OSBP2: variants seen among roughly 807,000 people sequenced by gnomAD.
OSBP2 encodes the protein oxysterol-binding protein 2.
OSBP2 carries 66 observed loss-of-function variants against 96.0 expected under a neutral mutation model. That is an observed-to-expected ratio of 0.69 (90% CI 0.56 to 0.84). The LOEUF is 0.84. Ranked by LOEUF, OSBP2 falls within the 40% of genes least tolerant of loss-of-function variation. The probability of loss-of-function intolerance (pLI) is 0.00; values close to 1 mark genes in which losing one functional copy is unlikely to be tolerated. For missense variants in OSBP2, 1,038 were observed against 1,222.7 expected, an observed-to-expected ratio of 0.85 and a Z score of 2.25; for synonymous variants, 525 against 520.9, an observed-to-expected ratio of 1.01 and a Z score of -0.11.
chr22:30,780,447 C>T (rs1228762505), intron 2 of OSBP2, among the ~76,000 whole-genome samples: 1 of 152,218 alleles, frequency 6.6e-6, no homozygotes, highest in Non-Finnish European at 1.5e-5. Context: ...GCATTTTCCA[C>T]ATTGTTGTAA....
chr22:30,836,774 A>G (rs897928792), intron 2 of OSBP2, among the ~76,000 whole-genome samples: 3 of 152,124 alleles, frequency 2.0e-5, no homozygotes, highest in African/African-American at 7.2e-5. Context: ...GAGACTCCAG[A>G]AGCCCCAAGA....
At chr22:30,820,388 C>CT (rs2038248414) in intron 2 of OSBP2, among the ~76,000 whole-genome samples, 1 of 120,746 alleles carries the variant, frequency 8.3e-6, no homozygotes, top group Non-Finnish European at 1.8e-5. Context: ...GACCCCATCT[C>CT]TAAAAAAAAA....
intron 2 of OSBP2, among the ~76,000 whole-genome samples, chr22:30,826,114 G>A (rs115045580): frequency 5.9e-5 from 9 of 152,254 alleles, no homozygotes; most frequent in East Asian, 1.9e-4. Context: ...ATGTGTTTAC[G>A]TCTTTAAAGG....
chr22:30,704,295 C>T (rs1015912284), intron 1 of OSBP2, among the ~76,000 whole-genome samples: 16 of 152,134 alleles, frequency 1.1e-4, no homozygotes, highest in Non-Finnish European at 1.5e-4. Flanking sequence ...AGAGTGAAGT[C>T]TGGGGAAAAA....
In OSBP2 at chr22:30,888,322, C is replaced by T. The variant is rs2147151710; in HGVS notation, c.1400C>T (p.Thr467Ile). ...EDSTSFITVI[T>I]EAKEDSRKAE... is the part of the protein sequence containing the mutation. ...TCCACATCCTTCATCACCGTGATCA[C>T]CGAGGCCAAGGAAGACAGGTAAGGT... Residue 467 changes from threonine to isoleucine, a missense_variant, in exon 5 of 14, where the codon ACC becomes ATC. This residue lies in a region of OSBP2 where 737 missense variants were observed against 913.3 expected (regional missense o/e 0.81). Coordinates refer to ENST00000332585, the MANE Select transcript of OSBP2 (RefSeq NM_030758.4). The T allele has an allele frequency of 6.2e-7, 1 of 1,612,080 alleles. No individual in the cohort carries two copies.
chr22:30,896,573 A>G, intron 12 of OSBP2, among the ~76,000 whole-genome samples: 1 of 152,184 alleles, frequency 6.6e-6, no homozygotes, highest in East Asian at 1.9e-4. Flanking sequence ...AATAGGCCCA[A>G]GCATTATCAA....
chr22:30,756,872 T>C (rs1050696111), intron 2 of OSBP2, among the ~76,000 whole-genome samples: 3 of 152,018 alleles, frequency 2.0e-5, no homozygotes, highest in Non-Finnish European at 1.5e-5. Context: ...CAGGCAGGGG[T>C]GATAGGGCCC....
chr22:30,897,356 A>C (rs1208151715), intron 12 of OSBP2, among the ~76,000 whole-genome samples: 1 of 152,212 alleles, frequency 6.6e-6, no homozygotes, highest in Non-Finnish European at 1.5e-5. Flanking sequence ...TGGAGATCCA[A>C]ACAATATATG....
chr22:30,892,012 AG>A (rs2039959469), intron 8 of OSBP2, among the ~76,000 whole-genome samples: 1 of 152,188 alleles, frequency 6.6e-6, no homozygotes, highest in Non-Finnish European at 1.5e-5. Flanking sequence ...AAGAAGCAGC[AG>A]CTGGAGGGCG....
chr22:30,879,605 G>A (rs528781138), intron 3 of OSBP2, among the ~76,000 whole-genome samples: 1 of 152,328 alleles, frequency 6.6e-6, no homozygotes, highest in East Asian at 1.9e-4. Flanking sequence ...TGACAGCTTG[G>A]CTGGGCCAAA....
At chr22:30,726,877 G>A (rs1286513870) in intron 1 of OSBP2, among the ~76,000 whole-genome samples, 2 of 152,194 alleles carry the variant, frequency 1.3e-5, no homozygotes, top group Admixed American at 6.5e-5. Flanking sequence ...TGAGCACTGC[G>A]TAAGTAGAGG....
At position 30,757,322 on chromosome 22, in the gene OSBP2, A is replaced by G. The variant is rs533937971; in HGVS notation, c.853+15953A>G. Among the ~76,000 whole-genome samples, 3 of 152,314 alleles carry G rather than the reference A, an allele frequency of 2.0e-5. No homozygotes were observed. The South Asian group carries it at 6.2e-4, about 32-fold the overall frequency. On this transcript the variant is annotated intron_variant, in intron 2 of 13. Transcript: ENST00000332585. ...TGCCATATGAATCCCAAATGATTCC[A>G]GTGGAGACATTTCTCCCCTTTGAAG...
In OSBP2 at chr22:30,890,743, CCCCTGTCCA is replaced by C; in HGVS notation, c.1640_1648del (p.Pro547_Met550delinsLeu). ...CCACCCACAGGTGAACTTCAATGAG[CCCCTGTCCA>C]TGCTCCAGCGGCTGACAGAGGACCT... is the stretch of plus-strand genomic sequence containing the variant. On this transcript the variant is annotated inframe_deletion, in exon 8 of 14. Transcript: ENST00000332585. This position sits in a 1 kb window ranked among gnomAD's most constrained non-coding sequence, Gnocchi z 4.4. The C allele has an allele frequency of 6.2e-7, 1 of 1,612,718 alleles. No individual in the cohort carries two copies. The highest frequency in any genetic ancestry group is 8.5e-7 in the Non-Finnish European group (1 of 1,179,986).
intron 3 of OSBP2, among the ~76,000 whole-genome samples, chr22:30,878,473 G>A (rs901404601): frequency 2.6e-5 from 4 of 152,202 alleles, no homozygotes; most frequent in East Asian, 1.9e-4. Flanking sequence ...GGCCTAAGCC[G>A]CTAGAGAATG....
In OSBP2 at chr22:30,892,077, G is replaced by A. The variant is rs141243507; in HGVS notation, c.1870-1045G>A. ...ACCTGCCAGAGGAACCCTCCACTGC[G>A]ATGGAGGGAGTGGCCCACAGGGAAG... On this transcript the variant is annotated intron_variant, in intron 8 of 13. Coordinates refer to ENST00000332585, the MANE Select transcript of OSBP2 (RefSeq NM_030758.4). Among the ~76,000 whole-genome samples the A allele has an allele frequency of 4.7e-3, 715 of 152,278 alleles. 5 individuals carry two copies. The highest frequency in any genetic ancestry group is 0.014 in the African/African-American group (602 of 41,564).
intron 2 of OSBP2, among the ~76,000 whole-genome samples, chr22:30,839,054 T>C (rs1306697255): frequency 7.3e-6 from 1 of 136,450 alleles, no homozygotes; most frequent in Non-Finnish European, 1.5e-5. Context: ...GGTGTCCATG[T>C]GTTCTCATTG....
rs117499283 is a variant in OSBP2, at chr22:30,888,970, G to A, written c.1419-207G>A. Among the ~76,000 whole-genome samples the A allele has an allele frequency of 6.2e-3, 943 of 152,232 alleles. 4 individuals are homozygous for A. The highest frequency in any genetic ancestry group is 9.2e-3 in the Non-Finnish European group (625 of 68,010). Reference sequence around the variant, plus strand: ...CATAGAAAAGGTATATTAAAAATACGATATGATAGTCTTATGGGACCACTG... The same window carrying A: ...CATAGAAAAGGTATATTAAAAATACAATATGATAGTCTTATGGGACCACTG... On this transcript the variant is annotated intron_variant, in intron 5 of 13. Coordinates refer to ENST00000332585, the MANE Select transcript of OSBP2 (RefSeq NM_030758.4).
At chr22:30,873,698 C>G in intron 3 of OSBP2, among the ~76,000 whole-genome samples, 1 of 152,314 alleles carries the variant, frequency 6.6e-6, no homozygotes, top group East Asian at 1.9e-4. Context: ...ACTGGCTCCT[C>G]GGACAGGGCA....
chr22:30,717,588 CCCTG>C (rs1285529273), intron 1 of OSBP2, among the ~76,000 whole-genome samples: 1 of 152,174 alleles, frequency 6.6e-6, no homozygotes, highest in Non-Finnish European at 1.5e-5. Flanking sequence ...AGCTATAAAG[CCCTG>C]TACTTACAAA....
Sources: allele counts gnomAD v4.1 joint callset (sites outside exome capture counted in the v4.1 genomes callset), GRCh38; gene constraint gnomAD v4.1.1; regional missense constraint gnomAD v4.1.1; non-coding constraint Gnocchi (gnomAD v3.1); transcripts MANE v1.5; gene names NCBI Gene and HGNC (gene_info 2026-07-23, HGNC 2026-07-21).